Variants in SLAMF1 observed in about 807,000 individuals in gnomAD.
SLAMF1 encodes the protein signaling lymphocytic activation molecule family member 1.
A neutral mutation model predicts 35.1 loss-of-function variants in SLAMF1; 18 were observed. The ratio of observed to expected loss-of-function variants is 0.51; its 90% confidence interval spans 0.35 to 0.76. The LOEUF (loss-of-function observed/expected upper bound fraction) is 0.76, where lower values mean the gene tolerates loss of function less well. SLAMF1 is among the 30% of genes least tolerant of loss of function. The pLI, the probability that SLAMF1 is intolerant of heterozygous loss-of-function variation, is 0.01. For missense variants in SLAMF1, 392 were observed against 413.0 expected (o/e 0.95, Z 0.44); for synonymous variants, 168 against 157.2 (o/e 1.07, Z -0.51).
chr1:160,625,524 T>C (rs910637543), intron 3 of SLAMF1, among the ~76,000 whole-genome samples: 5 of 152,238 alleles, frequency 3.3e-5, no homozygotes, highest in African/African-American at 1.2e-4. Flanking sequence ...AGTTGCCTTC[T>C]GGATTTGAAA....
At chr1:160,614,575 CAAAA>C (rs58447871) in intron 5 of SLAMF1, among the ~76,000 whole-genome samples, 47 of 140,628 alleles carry the variant, frequency 3.3e-4, no homozygotes, top group Non-Finnish European at 3.0e-4. Context: ...TCCGCATCAC[CAAAA>C]AAAAAAAAAA....
At position 160,637,330 on chromosome 1, in the gene SLAMF1, T is replaced by G. The variant is rs2102347223; in HGVS notation, c.276A>C (p.Leu92=). The stretch of plus-strand genomic sequence containing the variant: ...CCAGATAAAACTTGTAGCGATCTCC[T>G]AGATAACGTGGAGGGCCTGCTTCGG... ...DPSEAGPPRY[L]GDRYKFYLEN... The change falls in exon 2 of 7, where the codon CTA becomes CTC. Residue 92 remains leucine (L), a synonymous_variant. Transcript: ENST00000302035. 1.2e-6 allele frequency: 2 copies of G among 1,614,082 alleles called. No homozygotes were observed.
At chr1:160,614,379 T>A (rs371301365) in intron 5 of SLAMF1, among the ~76,000 whole-genome samples, 3 of 144,352 alleles carry the variant, frequency 2.1e-5, no homozygotes, top group East Asian at 4.0e-4. Context: ...ATCGAGACCA[T>A]CCTGGCCAAC....
intron 3 of SLAMF1, 146 bp from the exon 4 acceptor site, chr1:160,624,331 A>C: frequency 1.5e-6 from 1 of 647,360 alleles, no homozygotes; most frequent in Non-Finnish European, 2.7e-6. Context: ...TTTAGAGGTC[A>C]GCTTTAGACC....
intron 1 of SLAMF1, among the ~76,000 whole-genome samples, chr1:160,646,415 C>A (rs1413586327): frequency 6.6e-6 from 1 of 152,212 alleles, no homozygotes; most frequent in Non-Finnish European, 1.5e-5. Flanking sequence ...TTCTGTTGAC[C>A]CATGCTCCTG....
At chr1:160,634,150 C>A (rs1050745111) in intron 3 of SLAMF1, among the ~76,000 whole-genome samples, 5 of 152,224 alleles carry the variant, frequency 3.3e-5, no homozygotes, top group Admixed American at 6.5e-5. Context: ...CTTATCTTTA[C>A]AATGAATTGT....
intron 1 of SLAMF1, among the ~76,000 whole-genome samples, chr1:160,646,077 T>C (rs1004231845): frequency 2.0e-5 from 3 of 152,122 alleles, no homozygotes; most frequent in Non-Finnish European, 4.4e-5. Context: ...AAATACCTTT[T>C]CTCATAGCCC....
At chr1:160,621,253 A>G (rs1401315162) in intron 4 of SLAMF1, among the ~76,000 whole-genome samples, 2 of 152,162 alleles carry the variant, frequency 1.3e-5, no homozygotes, top group African/African-American at 2.4e-5. Context: ...TTTTAACACC[A>G]GTTAATTTAT....
At chr1:160,623,026 G>A (rs751330898) in intron 4 of SLAMF1, among the ~76,000 whole-genome samples, 39 of 152,108 alleles carry the variant, frequency 2.6e-4, no homozygotes, top group Non-Finnish European at 5.4e-4. Context: ...GGTGAGGATG[G>A]GTATGTGTGT....
intron 3 of SLAMF1, among the ~76,000 whole-genome samples, chr1:160,630,346 C>T (rs1282927504): frequency 1.3e-5 from 2 of 152,148 alleles, no homozygotes; most frequent in African/African-American, 4.8e-5. Flanking sequence ...CAAATGTCAC[C>T]TAAAGAAAAA....
chr1:160,621,558 CAAAAAA>C (rs33981363), intron 4 of SLAMF1, among the ~76,000 whole-genome samples: 10 of 73,286 alleles, frequency 1.4e-4, no homozygotes, highest in African/African-American at 4.8e-4. Flanking sequence ...GAATCTATCT[CAAAAAA>C]AAAAAAAAAA....
chr1:160,646,993 C>T lies in SLAMF1; in HGVS notation c.-48G>A, dbSNP rs1661076635. 4.2e-6 allele frequency: 4 copies of T among 951,894 alleles called. No individual in the cohort carries two copies. In the East Asian group the frequency reaches 9.8e-5, roughly 23 times the overall value. The allele number at this position is 951,894 out of a possible 1,614,324, so 59.0% of individuals were successfully genotyped here. A position where few individuals can be genotyped will look rare whatever the true frequency, so the allele number is the denominator to read the frequency against. On this transcript the variant is annotated 5_prime_UTR_variant, in exon 1 of 7. Transcript: ENST00000302035. Reference sequence around the variant, plus strand: ...GATCCTGGCCGGAGCCTGGCAGCTGCTCACAGATGCCAGGCAGAAGCAAGC... The same window carrying T: ...GATCCTGGCCGGAGCCTGGCAGCTGTTCACAGATGCCAGGCAGAAGCAAGC...
At position 160,642,984 on chromosome 1, in the gene SLAMF1, T is replaced by C. The variant is rs570694263; in HGVS notation, c.76+3886A>G. ...TTATCCCAAATGTGCACATGAGATA[T>C]ACTGGATTAGAGTTAAATTTCTTAT... On this transcript the variant is annotated intron_variant, in intron 1 of 6. Transcript: ENST00000302035. This position sits in a 1 kb window ranked among gnomAD's most constrained non-coding sequence, Gnocchi z 4.2. 1.3e-5 allele frequency among the ~76,000 whole-genome samples: 2 copies of C among 152,368 alleles called. No homozygotes were observed. Among genetic ancestry groups the C allele is most frequent in the East Asian group, 3.9e-4 (2 of 5,190 alleles).
chr1:160,641,356 C>T (rs1162193775), intron 1 of SLAMF1, among the ~76,000 whole-genome samples: 1 of 152,094 alleles, frequency 6.6e-6, no homozygotes, highest in Non-Finnish European at 1.5e-5. Flanking sequence ...CCCATGCACT[C>T]CTTCCCCACC....
intron 2 of SLAMF1, among the ~76,000 whole-genome samples, chr1:160,635,874 A>G (rs1286792848): frequency 6.6e-6 from 1 of 151,828 alleles, no homozygotes; most frequent in Non-Finnish European, 1.5e-5. Context: ...CCACCTCATC[A>G]TCTTTTTTAA....
At chr1:160,617,230 G>T (rs994349959) in intron 5 of SLAMF1, among the ~76,000 whole-genome samples, 5 of 151,900 alleles carry the variant, frequency 3.3e-5, no homozygotes, top group African/African-American at 1.2e-4. Flanking sequence ...AAATGGATAC[G>T]CCCACTTTGA....
intron 4 of SLAMF1, among the ~76,000 whole-genome samples, chr1:160,621,326 T>C (rs164284): frequency 0.51 from 77,870 of 151,868 alleles, 21,854 homozygotes; most frequent in East Asian, 0.87. Context: ...TATGGGAGGC[T>C]GAGGTGGGCA....
At chr1:160,640,357 T>TATATATATATAC (rs1332340284) in intron 1 of SLAMF1, among the ~76,000 whole-genome samples, 1 of 105,480 alleles carries the variant, frequency 9.5e-6, no homozygotes. Context: ...TATATATATA[T>TATATATATATAC]ATACACACAC....
chr1:160,616,041 AG>A (rs1246418297), intron 5 of SLAMF1, among the ~76,000 whole-genome samples: 1 of 152,198 alleles, frequency 6.6e-6, no homozygotes, highest in Non-Finnish European at 1.5e-5. Flanking sequence ...TAATTTGTTA[AG>A]GCATCCCTAG....
Sources: gnomAD v4.1 joint callset for allele counts (sites outside exome capture counted in the v4.1 genomes callset) on GRCh38, gnomAD v4.1.1 for gene constraint, Gnocchi (gnomAD v3.1) non-coding constraint, MANE v1.5 for transcripts, NCBI Gene and HGNC (gene_info 2026-07-23, HGNC 2026-07-21) for gene names.